RUFY3: variants seen among roughly 807,000 people sequenced by gnomAD.
RUFY3 encodes the protein protein RUFY3.
A neutral mutation model predicts 84.0 loss-of-function variants in RUFY3; 34 were observed. The ratio of observed to expected loss-of-function variants is 0.40; its 90% CI spans 0.31 to 0.54. RUFY3 has a LOEUF of 0.54. Ranked by LOEUF, RUFY3 falls within the 20% of genes least tolerant of loss-of-function variation. RUFY3 has a pLI of 0.39. For missense variants in RUFY3, 507 were observed against 736.8 expected (o/e 0.69, Z 3.61); for synonymous variants, 242 against 252.9 (o/e 0.96, Z 0.41).
At chr4:70,756,032 C>T (rs1723959971) in intron 1 of RUFY3, among the ~76,000 whole-genome samples, 1 of 152,036 alleles carries the variant, frequency 6.6e-6, no homozygotes. Flanking sequence ...GTCACTTCCA[C>T]ATGATTTCTT....
chr4:70,794,918 CTTTTACTTAATTTCAG>C (rs1039927889), intron 14 of RUFY3, 24 bp downstream of exon 14: 3 of 1,457,660 alleles, frequency 2.1e-6, no homozygotes. Flanking sequence ...TTCCCTTGTT[CTTTTACTTAATTTCAG>C]TTTAAATTTT....
intron 14 of RUFY3, among the ~76,000 whole-genome samples, chr4:70,797,492 A>G (rs1310447924): frequency 3.3e-5 from 5 of 152,188 alleles, no homozygotes; most frequent in African/African-American, 1.2e-4. Context: ...GCAAATAGAA[A>G]ACAATGGTAT....
chr4:70,793,811 A>T lies in RUFY3; in HGVS notation c.1364A>T (p.Gln455Leu). ...TTGCGCCAGGCTGAGCGAAGCCGCC[A>T]ATCTGCTGAGTTGGACAACCGGCTC... is the stretch of plus-strand genomic sequence containing the variant. Reference protein sequence around the residue: ...QRLRQAERSRQSAELDNRLFK... With the variant: ...QRLRQAERSRLSAELDNRLFK... The change falls in exon 13 of 18, where the codon CAA becomes CTA. Residue 455 changes from glutamine (Q) to leucine (L), a missense_variant. Around this residue, in one of 4 missense-constraint regions of RUFY3, gnomAD observed 334 missense variants for 364.1 expected, o/e 0.92. Transcript: ENST00000381006. 6.2e-7 allele frequency: 1 copy of T among 1,614,114 alleles called. No homozygotes were observed. Among genetic ancestry groups the T allele is most frequent in the Non-Finnish European group, 8.5e-7 (1 of 1,180,018 alleles).
chr4:70,726,827 T>C (rs536114309), intron 1 of RUFY3, among the ~76,000 whole-genome samples: 36 of 152,226 alleles, frequency 2.4e-4, no homozygotes, highest in African/African-American at 8.2e-4. Context: ...ATAAAAGGAG[T>C]GAGACTTAAA....
chr4:70,749,400 T>A lies in RUFY3; in HGVS notation c.179-13119T>A, dbSNP rs192149320. ...GGAACTCTTGTGCAAGCTAATATAT[T>A]TTTTTTTAATCTATTAAAGATTAGA... On this transcript the variant is annotated intron_variant, in intron 1 of 17. Transcript: ENST00000381006. Among the ~76,000 whole-genome samples the A allele has an allele frequency of 3.4e-3, 515 of 151,532 alleles. 4 individuals carry two copies. The highest frequency in any genetic ancestry group is 3.2e-3 in the Admixed American group (48 of 15,226).
intron 1 of RUFY3, among the ~76,000 whole-genome samples, chr4:70,736,353 AT>A (rs1720292071): frequency 6.6e-6 from 1 of 152,256 alleles, no homozygotes; most frequent in South Asian, 2.1e-4. Flanking sequence ...CACTGTTAAG[AT>A]TTAGTATCAG....
At chr4:70,762,433 T>C in intron 1 of RUFY3, 86 bp from the exon 2 acceptor site, 8 of 1,221,386 alleles carry the variant, frequency 6.5e-6, no homozygotes, top group Non-Finnish European at 9.2e-6. Context: ...AGTGAGTACA[T>C]GGTGGAGAAG....
intron 1 of RUFY3, among the ~76,000 whole-genome samples, chr4:70,745,339 A>G (rs1274165012): frequency 2.0e-5 from 3 of 152,246 alleles, no homozygotes; most frequent in Admixed American, 1.3e-4. Context: ...GTACAATTGT[A>G]TGATGTACAA....
intron 1 of RUFY3, among the ~76,000 whole-genome samples, chr4:70,726,614 C>T (rs1718287936): frequency 6.6e-6 from 1 of 152,184 alleles, no homozygotes; most frequent in Non-Finnish European, 1.5e-5. Flanking sequence ...CTCAGGTGAT[C>T]GCCCGCCTCA....
chr4:70,742,301 C>T (rs114992113), intron 1 of RUFY3, among the ~76,000 whole-genome samples: 1,539 of 152,188 alleles, frequency 0.01, 34 homozygotes, highest in African/African-American at 0.035. Flanking sequence ...GAGCTCAGAG[C>T]GATTTACACA....
Position 70,722,178 on chromosome 4 carries a change from TACTC to T in RUFY3, c.-394_-391del, listed in dbSNP as rs1177982193. The T allele has an allele frequency of 8.1e-7, 1 of 1,230,932 alleles. No homozygotes were observed. The highest frequency in any genetic ancestry group is 1.0e-6 in the Non-Finnish European group (1 of 987,746). The allele number at this position is 1,230,932 out of a possible 1,614,324, so 76.3% of individuals were successfully genotyped here. A position where few individuals can be genotyped will look rare whatever the true frequency, so the allele number is the denominator to read the frequency against. On this transcript the variant is annotated 5_prime_UTR_variant, in exon 1 of 18. Coordinates refer to ENST00000381006, the MANE Select transcript of RUFY3 (RefSeq NM_001037442.4). Reference sequence around the variant, plus strand: ...GCACAAAGGAGGAGGATTTTTCACTTACTCATATCGAGGCCAGATTTTTAAAGCC... The same window carrying T: ...GCACAAAGGAGGAGGATTTTTCACTTATATCGAGGCCAGATTTTTAAAGCC...
intron 1 of RUFY3, among the ~76,000 whole-genome samples, chr4:70,706,682 CTGAG>C (rs1232410642): frequency 2.0e-5 from 3 of 152,166 alleles, no homozygotes; most frequent in Non-Finnish European, 4.4e-5. Flanking sequence ...TTATTACTTA[CTGAG>C]TAATAAGTCA....
At chr4:70,795,111 G>C (rs1731340779) in intron 14 of RUFY3, among the ~76,000 whole-genome samples, 2 of 152,096 alleles carry the variant, frequency 1.3e-5, no homozygotes, top group South Asian at 4.2e-4. Flanking sequence ...TTTGGAAAGG[G>C]GGATTTTAAT....
intron 1 of RUFY3, among the ~76,000 whole-genome samples, chr4:70,761,547 T>G (rs551305512): frequency 6.6e-6 from 1 of 152,156 alleles, no homozygotes; most frequent in East Asian, 1.9e-4. Flanking sequence ...GTAAAATTGT[T>G]GTATTGGTGA....
exon 1 of RUFY3, chr4:70,705,136 T>C (rs1237142846): frequency 2.8e-6 from 4 of 1,450,568 alleles, no homozygotes; most frequent in Non-Finnish European, 3.6e-6. Context: ...CCCTTCTTCC[T>C]GCTGTACCCC....
chr4:70,803,029 T>C (rs1362835988), intron 16 of RUFY3, 46 bp downstream of exon 16: 1 of 1,503,408 alleles, frequency 6.7e-7, no homozygotes, highest in East Asian at 2.3e-5. Context: ...AATTATGAAG[T>C]TGGTTGTACC....
chr4:70,765,120 A>G (rs1381507496), intron 4 of RUFY3, among the ~76,000 whole-genome samples: 1 of 150,400 alleles, frequency 6.6e-6, no homozygotes, highest in Non-Finnish European at 1.5e-5. Flanking sequence ...CCTGGGAAGT[A>G]GAAGCTGCAG....
Position 70,773,559 on chromosome 4 carries a change from A to G in RUFY3, c.745A>G (p.Lys249Glu). ...GTATCTCAAGGACGGGAACAGCAGT[A>G]AAGGTACTGAAGGGTACGTACAAAG... ...SMYLKDGNSS[K>E]GTEGDGQITA... Residue 249 changes from lysine to glutamate, a missense_variant, in exon 6 of 18, where the codon AAA (lysine) becomes GAA (glutamate). Lys to Glu is a moderately conservative substitution (Grantham distance 56). This residue lies in a region of RUFY3 where 23 missense variants were observed against 17.0 expected (regional missense o/e 1.36). Coordinates refer to ENST00000381006, the MANE Select transcript of RUFY3 (RefSeq NM_001037442.4). 1 of 1,609,696 alleles carries G rather than the reference A, an allele frequency of 6.2e-7. No individual in the cohort carries two copies.
At chr4:70,734,936 A>G (rs1487753114) in intron 1 of RUFY3, among the ~76,000 whole-genome samples, 1 of 152,238 alleles carries the variant, frequency 6.6e-6, no homozygotes, top group Non-Finnish European at 1.5e-5. Flanking sequence ...TGTGCCCTTC[A>G]TAACAGAACT....
Sources: gnomAD v4.1 joint callset for allele counts (sites outside exome capture counted in the v4.1 genomes callset) on GRCh38, gnomAD v4.1.1 for gene constraint, gnomAD v4.1.1 regional missense constraint, MANE v1.5 for transcripts, NCBI Gene and HGNC (gene_info 2026-07-23, HGNC 2026-07-21) for gene names.